Variants in CCDC38 observed in about 807,000 individuals in gnomAD.
The protein encoded by CCDC38 is coiled-coil domain containing 38, also known as coiled-coil domain-containing protein 38.
Under a neutral mutation model 72.8 loss-of-function variants are expected in CCDC38, and 69 were observed. The observed-to-expected ratio is 0.95, with a 90% CI of 0.78 to 1.16. The LOEUF (loss-of-function observed/expected upper bound fraction) is 1.16, where lower values mean the gene tolerates loss of function less well. CCDC38 is among the 50% of genes most tolerant of loss of function. The pLI is 0.00. For synonymous variants in CCDC38, 201 were observed against 213.2 expected, an observed-to-expected ratio of 0.94 and a Z score of 0.50; for missense variants, 626 against 638.9, an observed-to-expected ratio of 0.98 and a Z score of 0.22.
At chr12:95,869,437 A>G in intron 15 of CCDC38, 43 bp downstream of exon 15, 2 of 1,397,248 alleles carry the variant, frequency 1.4e-6, no homozygotes, top group Non-Finnish European at 2.0e-6. Flanking sequence ...TGTATTTTGT[A>G]TCACATATTG....
At chr12:95,940,936 G>A (rs765231433) in intron 1 of CCDC38, among the ~76,000 whole-genome samples, 3 of 152,116 alleles carry the variant, frequency 2.0e-5, no homozygotes, top group Non-Finnish European at 4.4e-5. Flanking sequence ...ATGGGTTAAG[G>A]AGTCAGCATA....
rs565324036 is a variant in CCDC38 at position 95,916,650 on chromosome 12, A to G, written c.304+479T>C. ...TGTTGAGTAGTAATGATCATCTTAT[A>G]GTATTTTAATATGTTGCCTCCAAAG... On this transcript the variant is annotated intron_variant, in intron 4 of 15. Transcript: ENST00000344280. Among the ~76,000 whole-genome samples, 6 of 152,190 alleles carry G rather than the reference A, an allele frequency of 3.9e-5. No homozygotes were observed. In the South Asian group the frequency reaches 1.0e-3, roughly 26 times the overall value.
At chr12:95,914,265 A>G (rs949196885) in intron 4 of CCDC38, among the ~76,000 whole-genome samples, 1 of 152,228 alleles carries the variant, frequency 6.6e-6, no homozygotes, top group African/African-American at 2.4e-5. Context: ...CAGATTTTGC[A>G]GTAAGCCAAG....
intron 7 of CCDC38, among the ~76,000 whole-genome samples, chr12:95,897,610 CAAAAA>C (rs370408931): frequency 1.3e-5 from 1 of 75,354 alleles, no homozygotes. Flanking sequence ...AACTCCCTCT[CAAAAA>C]AAAAAAAAAA....
intron 8 of CCDC38, among the ~76,000 whole-genome samples, chr12:95,894,151 G>A (rs530579033): frequency 2.6e-5 from 4 of 152,162 alleles, no homozygotes; most frequent in South Asian, 4.1e-4. Flanking sequence ...CCTGGGAGGC[G>A]GAGGTTGCAG....
intron 7 of CCDC38, 100 bp from the exon 8 acceptor site, chr12:95,895,246 A>G: frequency 2.9e-6 from 2 of 697,898 alleles, no homozygotes; most frequent in Non-Finnish European, 4.4e-6. Context: ...GTACTGAATT[A>G]ATAATTTAAT....
intron 7 of CCDC38, chr12:95,896,595 G>T (rs1271228549): frequency 1.3e-5 from 2 of 152,312 alleles, no homozygotes; most frequent in African/African-American, 4.8e-5. Context: ...TTCTACTGCT[G>T]CCTCCGTTTT....
chr12:95,916,099 C>T (rs11610070), intron 4 of CCDC38, among the ~76,000 whole-genome samples: 12,855 of 152,166 alleles, frequency 0.084, 812 homozygotes, highest in South Asian at 0.24. Flanking sequence ...TCTACGGAGG[C>T]GAACTATGAG....
intron 2 of CCDC38, among the ~76,000 whole-genome samples, chr12:95,926,090 T>G (rs1177108896): frequency 2.2e-4 from 32 of 144,762 alleles, no homozygotes; most frequent in African/African-American, 7.7e-4. Context: ...CTTTTTCTAT[T>G]GATTGGAATA....
rs2079851783 is a variant in CCDC38, at chr12:95,893,432, TCCCTCCCTC to T, written c.772+1548_772+1556del. 1.8e-4 allele frequency among the ~76,000 whole-genome samples: 9 copies of T among 51,026 alleles called. No homozygotes were observed. In the East Asian group the frequency reaches 3.7e-3, roughly 21 times the overall value. 33.5% of individuals were successfully genotyped at this position (51,026 alleles called of 152,430 possible). A position where few individuals can be genotyped will look rare whatever the true frequency, so the allele number is the denominator to read the frequency against. On this transcript the variant is annotated intron_variant, in intron 8 of 15. Transcript: ENST00000344280. The stretch of plus-strand genomic sequence containing the variant: ...TTCCCTCCCTCCCTCCCTCCCTCCC[TCCCTCCCTC>T]CCTTCCTTCCTTCTTTCCCTCTCTC...
chr12:95,900,045 C>T (rs556125376), intron 5 of CCDC38, among the ~76,000 whole-genome samples: 1 of 152,106 alleles, frequency 6.6e-6, no homozygotes, highest in South Asian at 2.1e-4. Flanking sequence ...GAATGTTCCT[C>T]CTATTAGGTT....
chr12:95,875,489 T>C (rs2079626066), intron 13 of CCDC38, among the ~76,000 whole-genome samples: 1 of 152,140 alleles, frequency 6.6e-6, no homozygotes, highest in Non-Finnish European at 1.5e-5. Context: ...AGCTCCAGAG[T>C]AACATAATTT....
rs562174212 is a variant in CCDC38 at position 95,906,639 on chromosome 12, G to T, written c.305-188C>A. Among the ~76,000 whole-genome samples, 6 of 152,034 alleles carry T rather than the reference G, an allele frequency of 3.9e-5. No individual in the cohort carries two copies. The East Asian group carries it at 1.2e-3, about 29-fold the overall frequency. On this transcript the variant is annotated intron_variant, in intron 4 of 15. Coordinates refer to ENST00000344280, the MANE Select transcript of CCDC38 (RefSeq NM_182496.3). The stretch of plus-strand genomic sequence containing the variant: ...TAATAGTAATTACAATTTATTTTAT[G>T]TCTATCATATTCCAGAAACCTCATT...
chr12:95,884,108 T>C (rs1046681631), intron 10 of CCDC38, among the ~76,000 whole-genome samples: 1 of 152,136 alleles, frequency 6.6e-6, no homozygotes, highest in Non-Finnish European at 1.5e-5. Flanking sequence ...GAAAAAGAGA[T>C]AAAAGGCATA....
At chr12:95,933,442 T>A (rs2080359054) in intron 2 of CCDC38, 1 of 152,200 alleles carries the variant, frequency 6.6e-6, no homozygotes, top group African/African-American at 2.4e-5. Context: ...TGAAGAGTTG[T>A]TCAACTTCAT....
intron 8 of CCDC38, 40 bp from the exon 9 acceptor site, chr12:95,890,970 T>TG (rs142196054): frequency 2.6e-6 from 3 of 1,164,032 alleles, no homozygotes; most frequent in South Asian, 2.6e-5. Context: ...CAGAGAAAGA[T>TG]GGGGGGAAAA....
At chr12:95,936,659 C>G (rs2080397885) in intron 1 of CCDC38, 136 bp from the exon 2 acceptor site, 1 of 552,734 alleles carries the variant, frequency 1.8e-6, no homozygotes, top group African/African-American at 1.9e-5. Context: ...CTCTTTGACC[C>G]AGCAATTTCA....
At chr12:95,898,250 A>AT in intron 7 of CCDC38, 135 bp downstream of exon 7, 2 of 868,142 alleles carry the variant, frequency 2.3e-6, no homozygotes, top group Non-Finnish European at 3.7e-6. Context: ...CAGGTTACTT[A>AT]TTTTTTAAAA....
intron 2 of CCDC38, among the ~76,000 whole-genome samples, chr12:95,926,471 G>T (rs1431652151): frequency 1.3e-5 from 2 of 151,480 alleles, no homozygotes; most frequent in Non-Finnish European, 3.0e-5. Flanking sequence ...TATCAATTTT[G>T]TTGATCCTTT....
Sources: gnomAD v4.1 joint callset for allele counts (sites outside exome capture counted in the v4.1 genomes callset) on GRCh38, gnomAD v4.1.1 for gene constraint, MANE v1.5 for transcripts, NCBI Gene and HGNC (gene_info 2026-07-23, HGNC 2026-07-21) for gene names.